MAP6: variants seen among roughly 807,000 people sequenced by gnomAD.
MAP6 encodes microtubule associated protein 6, also known as microtubule-associated protein 6.
In MAP6, 26 loss-of-function variants were observed where a neutral mutation model predicts 42.4. The ratio of observed to expected loss-of-function variants is 0.61; its 90% CI spans 0.45 to 0.85. The LOEUF (loss-of-function observed/expected upper bound fraction) is 0.85. Ranked by LOEUF, MAP6 falls within the 40% of genes least tolerant of loss-of-function variation. MAP6 has a pLI of 0.00. For missense variants in MAP6, 966 were observed against 1,099.0 expected, an observed-to-expected ratio of 0.88 and a Z score of 1.71; for synonymous variants, 418 against 443.8, an observed-to-expected ratio of 0.94 and a Z score of 0.73.
intron 1 of MAP6, among the ~76,000 whole-genome samples, chr11:75,617,348 C>G (rs1421407729): frequency 3.3e-5 from 5 of 151,904 alleles, no homozygotes; most frequent in Admixed American, 6.6e-5. Context: ...AAAACCCCCT[C>G]TCTACCAAAA....
chr11:75,606,012 G>C lies in MAP6; in HGVS notation c.1120-8C>G, dbSNP rs778908031. 1 of 1,612,588 alleles carries C rather than the reference G, an allele frequency of 6.2e-7. No homozygotes were observed. Among genetic ancestry groups the C allele is most frequent in the East Asian group, 2.2e-5 (1 of 44,870 alleles). On this transcript the variant is annotated splice_polypyrimidine_tract_variant and splice_region_variant and intron_variant, in intron 2 of 3. Transcript: ENST00000304771. ...AACACTAGGTTTTTCCACCTGTACG[G>C]AGAGACAGACCGCAAATACAGAAAC...
chr11:75,600,891 A>G (rs557491907), intron 3 of MAP6, among the ~76,000 whole-genome samples: 1 of 152,380 alleles, frequency 6.6e-6, no homozygotes, highest in South Asian at 2.1e-4. Context: ...GAAGAACACA[A>G]AAACTCTAAG....
At chr11:75,651,957 G>A (rs886633374) in intron 1 of MAP6, among the ~76,000 whole-genome samples, 1 of 152,184 alleles carries the variant, frequency 6.6e-6, no homozygotes, top group African/African-American at 2.4e-5. Context: ...TCAGCTGTGA[G>A]CTAAGAAAGG....
intron 3 of MAP6, chr11:75,604,908 G>GC (rs1942731403): frequency 1.0e-6 from 1 of 985,230 alleles, no homozygotes; most frequent in Non-Finnish European, 1.2e-6. Flanking sequence ...CTACATCTAC[G>GC]CCCCCTTGGG....
In MAP6 at chr11:75,601,986, C is replaced by G. The variant is rs182208551; in HGVS notation, c.1316+3822G>C. ...CTTCGTGCCCCACTGTGATCAGAGG[C>G]GGGGTCTCAGTCATCCTGGTTTCCC... On this transcript the variant is annotated intron_variant, in intron 3 of 3. Transcript: ENST00000304771. Among the ~76,000 whole-genome samples the G allele has an allele frequency of 4.6e-5, 7 of 151,972 alleles. No individual in the cohort carries two copies. In the East Asian group the frequency reaches 1.4e-3, roughly 29 times the overall value.
At chr11:75,593,232 C>G (rs985977307) in intron 3 of MAP6, among the ~76,000 whole-genome samples, 6 of 152,222 alleles carry the variant, frequency 3.9e-5, no homozygotes, top group South Asian at 4.1e-4. Context: ...ATGAACAGTA[C>G]CTGAGCCCAG....
rs894491195 is a variant in MAP6 at position 75,587,633 on chromosome 11, G to A, written c.1868C>T (p.Ala623Val). ...PVKGEGPIVP[A>V]PVKDEGPMVS... ...CATGGGACCTTCATCCTTGACAGGT[G>A]CTGGGACTATGGGACCTTCACCCTT... Residue 623 changes from alanine to valine, a missense_variant, in exon 4 of 4, where the codon GCA (alanine) becomes GTA (valine). Physicochemically the swap from Ala to Val is moderately conservative, Grantham distance 64. Transcript: ENST00000304771. The A allele has an allele frequency of 5.0e-6, 8 of 1,613,822 alleles. No individual in the cohort carries two copies. The African/African-American group carries it at 1.1e-4, about 22-fold the overall frequency.
At chr11:75,605,198 C>CT in intron 3 of MAP6, 1 of 985,516 alleles carries the variant, frequency 1.0e-6, no homozygotes, top group Non-Finnish European at 1.2e-6. Context: ...TGATAGGAAG[C>CT]TAAACACAGG....
At chr11:75,640,344 G>C (rs966551972) in intron 1 of MAP6, among the ~76,000 whole-genome samples, 1 of 152,168 alleles carries the variant, frequency 6.6e-6, no homozygotes, top group African/African-American at 2.4e-5. Context: ...AGCACCTACT[G>C]TCTGCCAGAC....
At chr11:75,642,691 A>G (rs1943493362) in intron 1 of MAP6, 1 of 219,844 alleles carries the variant, frequency 4.5e-6, no homozygotes, top group East Asian at 9.8e-5. Flanking sequence ...TTCCACTTTC[A>G]GAAGGTGACC....
chr11:75,605,186 A>C, intron 3 of MAP6: 1 of 985,530 alleles, frequency 1.0e-6, no homozygotes, highest in Non-Finnish European at 1.2e-6. Flanking sequence ...TTTAAAGCCC[A>C]CTGATAGGAA....
intron 3 of MAP6, chr11:75,597,076 A>G (rs1375305708): frequency 1.3e-5 from 2 of 152,222 alleles, no homozygotes; most frequent in Non-Finnish European, 2.9e-5. Context: ...GTTTATCTGT[A>G]AATGGGAGTG....
At chr11:75,643,231 T>C (rs1943504571) in intron 1 of MAP6, among the ~76,000 whole-genome samples, 1 of 150,510 alleles carries the variant, frequency 6.6e-6, no homozygotes. Flanking sequence ...TATATATATA[T>C]ATAAATATAT....
chr11:75,590,970 GAA>G (rs34060915), intron 3 of MAP6, among the ~76,000 whole-genome samples: 4 of 145,036 alleles, frequency 2.8e-5, no homozygotes, highest in African/African-American at 7.6e-5. Context: ...CTGGCTCCAG[GAA>G]AAAAAAAAAG....
intron 1 of MAP6, among the ~76,000 whole-genome samples, chr11:75,633,630 G>C (rs1943319333): frequency 6.6e-6 from 1 of 152,226 alleles, no homozygotes; most frequent in South Asian, 2.1e-4. Context: ...TGCTGTGTGT[G>C]TGTATGTGTG....
intron 1 of MAP6, among the ~76,000 whole-genome samples, chr11:75,661,196 C>T (rs1943838196): frequency 6.6e-6 from 1 of 151,848 alleles, no homozygotes; most frequent in African/African-American, 2.4e-5. Flanking sequence ...GTATTAAAGA[C>T]ATCAAATTGA....
rs764017695 is a variant in MAP6 at position 75,608,262 on chromosome 11, C to T, written c.966G>A (p.Gln322=). 6.2e-7 allele frequency: 1 copy of T among 1,614,100 alleles called. No homozygotes were observed. Among genetic ancestry groups the T allele is most frequent in the Non-Finnish European group, 8.5e-7 (1 of 1,180,038 alleles). Residue 322 remains glutamine, a synonymous_variant, in exon 2 of 4, where the codon CAG becomes CAA. Transcript: ENST00000304771. ...KPVKPIKAKP[Q]YKPPDDKMVH... is the part of the protein sequence containing the mutation. ...CCATCTTATCATCTGGGGGCTTGTA[C>T]TGGGGCTTGGCCTTTATTGGTTTCA... is the stretch of plus-strand genomic sequence containing the variant.
At chr11:75,604,387 G>A in intron 3 of MAP6, 1 of 985,444 alleles carries the variant, frequency 1.0e-6, no homozygotes, top group Non-Finnish European at 1.2e-6. Flanking sequence ...GTAAGGAACT[G>A]TGAGACCCTC....
At chr11:75,606,410 G>A (rs751296943) in intron 2 of MAP6, among the ~76,000 whole-genome samples, 3 of 152,160 alleles carry the variant, frequency 2.0e-5, no homozygotes, top group East Asian at 1.9e-4. Flanking sequence ...ACCTTCAGGC[G>A]GAAAATTTGA....
Sources: gnomAD v4.1 joint callset for allele counts (sites outside exome capture counted in the v4.1 genomes callset) on GRCh38, gnomAD v4.1.1 for gene constraint, MANE v1.5 for transcripts, NCBI Gene and HGNC (gene_info 2026-07-23, HGNC 2026-07-21) for gene names.